CCDC3: variants seen among roughly 807,000 people sequenced by gnomAD.
CCDC3 encodes coiled-coil domain containing 3.
Under a neutral mutation model 21.4 loss-of-function variants are expected in CCDC3, and 24 were observed. That is an observed-to-expected ratio of 1.12 (90% confidence interval 0.81 to 1.58). CCDC3 has a LOEUF of 1.58. Among genes scored for constraint, CCDC3 ranks in the 40% most tolerant of loss-of-function variants. The pLI is 0.00. For synonymous variants in CCDC3, 186 were observed against 166.0 expected, an observed-to-expected ratio of 1.12 and a Z score of -0.93; for missense variants, 425 against 360.9, an observed-to-expected ratio of 1.18 and a Z score of -1.44.
chr10:12,947,884 T>C (rs929686534), intron 2 of CCDC3, among the ~76,000 whole-genome samples: 2 of 152,232 alleles, frequency 1.3e-5, no homozygotes, highest in Non-Finnish European at 2.9e-5. Flanking sequence ...TTATTAGCAT[T>C]GTCCCTCAGC....
chr10:12,947,442 C>T (rs950823571), intron 2 of CCDC3, among the ~76,000 whole-genome samples: 5 of 152,226 alleles, frequency 3.3e-5, no homozygotes, highest in Non-Finnish European at 4.4e-5. Context: ...GTCACCACAC[C>T]TGGCCTGTTC....
chr10:13,069,180 G>A (rs10906290), intron 4 of CCDC3, among the ~76,000 whole-genome samples: 39,921 of 152,148 alleles, frequency 0.26, 5,379 homozygotes, highest in African/African-American at 0.3. Flanking sequence ...ACTTGAACCC[G>A]GGAGGCAGAG....
intron 5 of CCDC3, among the ~76,000 whole-genome samples, chr10:13,012,220 G>T (rs1835992776): frequency 6.6e-6 from 1 of 152,090 alleles, no homozygotes; most frequent in African/African-American, 2.4e-5. Flanking sequence ...AAGAGCTTCT[G>T]CAAAGCAAAA....
At position 13,001,625 on chromosome 10, in the gene CCDC3, G is replaced by A. The variant is rs1835857449; in HGVS notation, c.-55C>T. ...CGGCGGGGAGCCCGGGGAGCCCGCC[G>A]GCCCGGGAAGGGCAGCCCTGGGCGC... On this transcript the variant is annotated 5_prime_UTR_variant, in exon 1 of 3. Coordinates refer to ENST00000378825, the MANE Select transcript of CCDC3 (RefSeq NM_031455.4). The A allele has an allele frequency of 9.3e-7, 1 of 1,069,604 alleles. No homozygotes were observed. The highest frequency in any genetic ancestry group is 1.1e-6 in the Non-Finnish European group (1 of 883,300). 66.3% of individuals were successfully genotyped at this position (1,069,604 alleles called of 1,614,324 possible). A position where few individuals can be genotyped will look rare whatever the true frequency, so the allele number is the denominator to read the frequency against.
rs1835856251 is a variant in CCDC3, at chr10:13,001,583, C to T, written c.-13G>A. ...GCTGGCGCAGCATGCCGGGCCCTCC[C>T]GGGGCGCACGGGGCGGCGGCGGGGA... On this transcript the variant is annotated 5_prime_UTR_variant, in exon 1 of 3. Transcript: ENST00000378825. 2.5e-6 allele frequency: 3 copies of T among 1,181,134 alleles called. No homozygotes were observed. Among genetic ancestry groups the T allele is most frequent in the South Asian group, 8.4e-5 (2 of 23,704 alleles). 73.2% of individuals were successfully genotyped at this position (1,181,134 alleles called of 1,614,324 possible).
chr10:12,965,095 A>C (rs1482754705), intron 2 of CCDC3, among the ~76,000 whole-genome samples: 1 of 152,136 alleles, frequency 6.6e-6, no homozygotes, highest in African/African-American at 2.4e-5. Flanking sequence ...CATCACACCC[A>C]AGGTTTGTCA....
chr10:13,084,422 G>A (rs1403093246), intron 3 of CCDC3, among the ~76,000 whole-genome samples: 2 of 151,778 alleles, frequency 1.3e-5, no homozygotes, highest in African/African-American at 4.8e-5. Context: ...TCAAGTAGCT[G>A]AGATTACAGG....
At chr10:12,998,206 G>C (rs1835791301) in intron 2 of CCDC3, 132 bp downstream of exon 2, 1 of 897,212 alleles carries the variant, frequency 1.1e-6, no homozygotes, top group Non-Finnish European at 1.6e-6. Flanking sequence ...GCAGGAGAGA[G>C]AGAGGGCATA....
intron 4 of CCDC3, among the ~76,000 whole-genome samples, chr10:13,052,106 G>A (rs781456561): frequency 2.6e-5 from 4 of 152,022 alleles, no homozygotes; most frequent in East Asian, 3.9e-4. Flanking sequence ...TGGGCATGGC[G>A]GCACACACCT....
intron 2 of CCDC3, among the ~76,000 whole-genome samples, chr10:12,939,087 CA>C (rs1834781737): frequency 6.8e-6 from 1 of 146,060 alleles, no homozygotes; most frequent in African/African-American, 2.8e-5. Context: ...TTACGTGCCT[CA>C]AGTCAGCTCT....
intron 2 of CCDC3, among the ~76,000 whole-genome samples, chr10:12,990,130 T>C (rs1228002288): frequency 2.0e-5 from 3 of 151,934 alleles, no homozygotes; most frequent in Non-Finnish European, 4.4e-5. Context: ...CAGGATCCTG[T>C]AGTCCCAGCT....
chr10:13,006,001 G>T (rs1273061157), upstream of CCDC3, among the ~76,000 whole-genome samples: 3 of 152,164 alleles, frequency 2.0e-5, no homozygotes, highest in African/African-American at 7.2e-5. Flanking sequence ...ATACTGAGGT[G>T]GCAGGTCCCT....
intron 2 of CCDC3, among the ~76,000 whole-genome samples, chr10:12,978,159 T>C (rs1372606199): frequency 1.3e-5 from 2 of 152,042 alleles, no homozygotes; most frequent in Admixed American, 6.6e-5. Flanking sequence ...GCTGGGACTA[T>C]AGGCATGTGC....
chr10:12,901,278 T>C (rs1834087957), intron 2 of CCDC3, among the ~76,000 whole-genome samples: 1 of 152,160 alleles, frequency 6.6e-6, no homozygotes, highest in Non-Finnish European at 1.5e-5. Context: ...TTCTTTTCTT[T>C]TCTTTTTTTG....
At chr10:12,944,118 C>G (rs1168466333) in intron 2 of CCDC3, among the ~76,000 whole-genome samples, 3 of 152,058 alleles carry the variant, frequency 2.0e-5, no homozygotes, top group African/African-American at 7.2e-5. Context: ...GATAACAGGC[C>G]CTGAAGGAAA....
intron 5 of CCDC3, among the ~76,000 whole-genome samples, chr10:13,012,425 C>T (rs1271997162): frequency 1.3e-5 from 2 of 152,118 alleles, no homozygotes; most frequent in Non-Finnish European, 2.9e-5. Context: ...AGCCAATAAG[C>T]ATTTGAAAAA....
chr10:12,952,115 GC>G (rs1835017755), intron 2 of CCDC3, among the ~76,000 whole-genome samples: 1 of 152,156 alleles, frequency 6.6e-6, no homozygotes, highest in Non-Finnish European at 1.5e-5. Flanking sequence ...AACTGATCGT[GC>G]CCAAATCAGG....
At chr10:12,991,819 G>A (rs1376097958) in intron 2 of CCDC3, among the ~76,000 whole-genome samples, 7 of 152,118 alleles carry the variant, frequency 4.6e-5, no homozygotes, top group Admixed American at 2.0e-4. Context: ...GAAGCAATGC[G>A]GGGATCTGAC....
chr10:13,034,659 CTAT>C (rs1436307251), intron 5 of CCDC3, among the ~76,000 whole-genome samples: 1 of 152,038 alleles, frequency 6.6e-6, no homozygotes, highest in African/African-American at 2.4e-5. Flanking sequence ...TTCCTCTAAA[CTAT>C]TATTCCTGTA....
Sources: gnomAD v4.1 joint callset for allele counts (sites outside exome capture counted in the v4.1 genomes callset) on GRCh38, gnomAD v4.1.1 for gene constraint, MANE v1.5 for transcripts, NCBI Gene and HGNC (gene_info 2026-07-23, HGNC 2026-07-21) for gene names.